The following MAP3K13 variants were observed in gnomAD, a reference collection of about 807,000 sequenced individuals.
MAP3K13 encodes the protein mitogen-activated protein kinase kinase kinase 13.
MAP3K13 carries 52 observed loss-of-function variants against 104.0 expected under a neutral mutation model. The ratio of observed to expected loss-of-function variants is 0.50; its 90% CI spans 0.40 to 0.63. MAP3K13 has a LOEUF of 0.63. Ranked by LOEUF, MAP3K13 falls within the 20% of genes least tolerant of loss-of-function variation. MAP3K13 has a pLI of 0.00. For synonymous variants in MAP3K13, 394 were observed against 442.2 expected (o/e 0.89, Z 1.37); for missense variants, 914 against 1,218.5 (o/e 0.75, Z 3.72).
chr3:185,487,616 G>C lies in MAP3K13; in HGVS notation c.*5160G>C, dbSNP rs1560143525. The C allele has an allele frequency of 6.6e-6, 1 of 151,436 alleles. No homozygotes were observed. The highest frequency in any genetic ancestry group is 1.5e-5 in the Non-Finnish European group (1 of 67,942). 9.4% of individuals were successfully genotyped at this position (151,436 alleles called of 1,614,324 possible). On this transcript the variant is annotated 3_prime_UTR_variant, in exon 14 of 14. Transcript: ENST00000265026. Reference sequence around the variant, plus strand: ...TCCTTTTCTTAAAACAGTCCCACTTGAACTTCCTGGAACTGAATTCTCCAG... The same window carrying C: ...TCCTTTTCTTAAAACAGTCCCACTTCAACTTCCTGGAACTGAATTCTCCAG...
chr3:185,449,840 C>G (rs1314973894), intron 5 of MAP3K13, 60 bp from the exon 6 acceptor site: 15 of 1,437,554 alleles, frequency 1.0e-5, no homozygotes, highest in Non-Finnish European at 1.3e-5. Context: ...TAATAGAGAA[C>G]TAAAATACAA....
rs369579714 is a variant in MAP3K13 at position 185,447,743 on chromosome 3, G to A, written c.852-46G>A. 1.3e-5 allele frequency: 18 copies of A among 1,434,868 alleles called. 1 individual carries two copies. Among genetic ancestry groups the A allele is most frequent in the East Asian group, 2.3e-5 (1 of 43,602 alleles). The allele number at this position is 1,434,868 out of a possible 1,614,324, so 88.9% of individuals were successfully genotyped here. On this transcript the variant is annotated intron_variant, in intron 4 of 13. Coordinates refer to ENST00000265026, the MANE Select transcript of MAP3K13 (RefSeq NM_004721.5). ...TCAGCCATTTAGAATCATGGTTTTC[G>A]TTAGTACTAATGATCCAGATGTTTT...
chr3:185,454,615 T>G (rs1364030088), intron 7 of MAP3K13, among the ~76,000 whole-genome samples: 3 of 46,904 alleles, frequency 6.4e-5, no homozygotes, highest in Non-Finnish European at 1.3e-4. Context: ...ATATATATGA[T>G]ATATATATGA....
intron 2 of MAP3K13, among the ~76,000 whole-genome samples, chr3:185,302,872 T>C (rs1463347942): frequency 6.6e-6 from 1 of 152,206 alleles, no homozygotes. Flanking sequence ...CAATACTATG[T>C]TGAGTAGAAG....
At chr3:185,404,636 G>A (rs1339078437) in intron 1 of MAP3K13, among the ~76,000 whole-genome samples, 3 of 152,114 alleles carry the variant, frequency 2.0e-5, no homozygotes, top group Non-Finnish European at 4.4e-5. Context: ...GAGTGTAGTA[G>A]CTTAATATTG....
intron 1 of MAP3K13, among the ~76,000 whole-genome samples, chr3:185,403,342 A>G (rs576035756): frequency 1.3e-5 from 2 of 152,344 alleles, no homozygotes; most frequent in South Asian, 4.1e-4. Flanking sequence ...AGGTGATAAT[A>G]CACTAACATT....
chr3:185,335,009 T>G (rs1278261934), intron 2 of MAP3K13, among the ~76,000 whole-genome samples: 1 of 150,600 alleles, frequency 6.6e-6, no homozygotes, highest in East Asian at 1.9e-4. Flanking sequence ...ACATGGATCA[T>G]AGATCTAAAC....
At chr3:185,284,239 G>A (rs188511365) in intron 1 of MAP3K13, among the ~76,000 whole-genome samples, 7 of 152,032 alleles carry the variant, frequency 4.6e-5, no homozygotes, top group Admixed American at 3.9e-4. Context: ...TGTTATAATT[G>A]AGAATATATC....
intron 12 of MAP3K13, 23 bp downstream of exon 12, chr3:185,477,419 A>C (rs1718193476): frequency 1.3e-6 from 2 of 1,583,628 alleles, no homozygotes; most frequent in East Asian, 4.5e-5. Context: ...AATGCACACG[A>C]TTGCTTTTAG....
At chr3:185,316,571 G>T (rs552781214) in intron 2 of MAP3K13, among the ~76,000 whole-genome samples, 2 of 152,310 alleles carry the variant, frequency 1.3e-5, no homozygotes, top group East Asian at 3.9e-4. Flanking sequence ...AGCCCGGGAG[G>T]TGGAAGTTGC....
At chr3:185,332,699 G>A (rs6795102) in intron 2 of MAP3K13, among the ~76,000 whole-genome samples, 21,635 of 152,162 alleles carry the variant, frequency 0.14, 1,958 homozygotes, top group African/African-American at 0.24. Context: ...AGGCTTATCC[G>A]TGATGTAGTA....
chr3:185,338,664 TATTTCTAGC>T (rs1401636270), intron 2 of MAP3K13, among the ~76,000 whole-genome samples: 4 of 152,210 alleles, frequency 2.6e-5, no homozygotes, highest in Non-Finnish European at 5.9e-5. Context: ...TGATATTTTT[TATTTCTAGC>T]ATTTCTTCTT....
intron 5 of MAP3K13, 82 bp downstream of exon 5, chr3:185,448,029 CT>C (rs1388739299): frequency 1.6e-5 from 23 of 1,409,586 alleles, no homozygotes; most frequent in Non-Finnish European, 2.3e-5. Flanking sequence ...TCAGCACTTA[CT>C]TTTCCAGAAT....
intron 2 of MAP3K13, among the ~76,000 whole-genome samples, chr3:185,324,021 AT>A (rs1263291228): frequency 6.6e-6 from 1 of 151,384 alleles, no homozygotes. Flanking sequence ...TTATTTATTC[AT>A]TTTTTTGAGA....
intron 2 of MAP3K13, among the ~76,000 whole-genome samples, chr3:185,328,068 G>A (rs1320106379): frequency 2.6e-5 from 4 of 152,130 alleles, no homozygotes; most frequent in Non-Finnish European, 5.9e-5. Context: ...GCTTAGGAAT[G>A]TGGCAAGAGA....
chr3:185,402,694 T>C (rs1295605799), intron 1 of MAP3K13, among the ~76,000 whole-genome samples: 1 of 152,152 alleles, frequency 6.6e-6, no homozygotes, highest in Non-Finnish European at 1.5e-5. Context: ...CTGGGCGCTG[T>C]GTTGTTTGGC....
intron 2 of MAP3K13, among the ~76,000 whole-genome samples, chr3:185,349,086 C>T (rs535600194): frequency 6.6e-6 from 1 of 151,602 alleles, no homozygotes; most frequent in East Asian, 1.9e-4. Flanking sequence ...CAGCTGTAAG[C>T]ATATGGTACT....
At chr3:185,448,366 A>G (rs955522428) in intron 5 of MAP3K13, among the ~76,000 whole-genome samples, 2 of 152,190 alleles carry the variant, frequency 1.3e-5, no homozygotes, top group African/African-American at 4.8e-5. Context: ...TGATACAATT[A>G]TGTTCTCTAG....
At chr3:185,365,838 A>C (rs1183742230) in intron 1 of MAP3K13, among the ~76,000 whole-genome samples, 23 of 47,522 alleles carry the variant, frequency 4.8e-4, no homozygotes, top group African/African-American at 6.8e-4. Flanking sequence ...TTCCCTCCCT[A>C]CCTCTTTCTC....
Sources: allele counts gnomAD v4.1 joint callset (sites outside exome capture counted in the v4.1 genomes callset), GRCh38; gene constraint gnomAD v4.1.1; transcripts MANE v1.5; gene names NCBI Gene and HGNC (gene_info 2026-07-23, HGNC 2026-07-21).